RHCE: variants seen among roughly 807,000 people sequenced by gnomAD.
The protein encoded by RHCE is Rh blood group CcEe antigens, also known as blood group Rh(CE) polypeptide.
A neutral mutation model predicts 43.8 loss-of-function variants in RHCE; 22 were observed. That is an observed-to-expected ratio of 0.50 (90% confidence interval 0.36 to 0.72). RHCE has a LOEUF of 0.72. RHCE is among the 30% of genes least tolerant of loss of function. RHCE has a pLI of 0.00. For missense variants in RHCE, 385 were observed against 525.4 expected, an observed-to-expected ratio of 0.73 and a Z score of 2.61; for synonymous variants, 156 against 210.7, an observed-to-expected ratio of 0.74 and a Z score of 2.25.
At chr1:25,423,649 T>C (rs1260429782), upstream of RHCE, among the ~76,000 whole-genome samples, 2 of 152,230 alleles carry the variant, frequency 1.3e-5, no homozygotes, top group African/African-American at 4.8e-5. Context: ...CCTCTGACTC[T>C]TATAAAAGGC....
intron 7 of RHCE, among the ~76,000 whole-genome samples, chr1:25,384,689 G>A (rs1646097334): frequency 6.6e-6 from 1 of 152,230 alleles, no homozygotes; most frequent in East Asian, 1.9e-4. Context: ...CCAAGAACCG[G>A]AAGGAACCCC....
intron 2 of RHCE, among the ~76,000 whole-genome samples, chr1:25,428,245 T>A (rs926520122): frequency 6.6e-6 from 1 of 152,224 alleles, no homozygotes; most frequent in Non-Finnish European, 1.5e-5. Flanking sequence ...TCTGGAACAC[T>A]GCAGTCATGG....
chr1:25,372,943 T>C (rs1174132075), intron 8 of RHCE, among the ~76,000 whole-genome samples: 2 of 151,586 alleles, frequency 1.3e-5, no homozygotes, highest in Non-Finnish European at 2.9e-5. Context: ...CAGCTGGGAC[T>C]ACAGGTGTAC....
At chr1:25,381,677 C>T (rs1161366086) in intron 7 of RHCE, among the ~76,000 whole-genome samples, 3 of 151,708 alleles carry the variant, frequency 2.0e-5, no homozygotes, top group African/African-American at 4.9e-5. Flanking sequence ...AGGCTGGTCT[C>T]GAACTCCTGA....
At chr1:25,400,218 G>A (rs1467057346) in intron 3 of RHCE, among the ~76,000 whole-genome samples, 2 of 152,216 alleles carry the variant, frequency 1.3e-5, no homozygotes, top group South Asian at 2.1e-4. Context: ...GGCTGCCCCT[G>A]CATGCTGTCT....
At chr1:25,423,413 A>G (rs2375304), upstream of RHCE, among the ~76,000 whole-genome samples, 2 of 152,228 alleles carry the variant, frequency 1.3e-5, no homozygotes, top group East Asian at 3.8e-4. Context: ...TAGACCTGAC[A>G]GGCATGTTTA....
At chr1:25,369,456 T>C (rs995390785) in intron 9 of RHCE, among the ~76,000 whole-genome samples, 1 of 151,454 alleles carries the variant, frequency 6.6e-6, no homozygotes, top group African/African-American at 2.4e-5. Flanking sequence ...CACATCAGAG[T>C]GCTGCGTGAA....
intron 7 of RHCE, among the ~76,000 whole-genome samples, chr1:25,377,120 T>A (rs952690042): frequency 1.3e-5 from 2 of 152,048 alleles, no homozygotes; most frequent in African/African-American, 4.8e-5. Flanking sequence ...CAAACACAGT[T>A]CAGGTTATCA....
intron 1 of RHCE, among the ~76,000 whole-genome samples, chr1:25,419,584 C>T (rs1300664562): frequency 6.6e-6 from 1 of 152,154 alleles, no homozygotes; most frequent in Non-Finnish European, 1.5e-5. Flanking sequence ...TGTCCATTAT[C>T]AACAACCTAT....
Position 25,362,699 on chromosome 1 carries a change from A to T in RHCE, c.1228-146T>A, listed in dbSNP as rs558597467. On this transcript the variant is annotated intron_variant, in intron 9 of 9. Transcript: ENST00000294413. ...GAATTGGAAGAGATCTTGGATATAT[A>T]GGTTTTATTTCATCTAACGTTTTAC... 37 of 536,396 alleles carry T rather than the reference A, an allele frequency of 6.9e-5. 2 individuals are homozygous for T. In the South Asian group the frequency reaches 7.6e-4, roughly 11 times the overall value. 33.2% of individuals were successfully genotyped at this position (536,396 alleles called of 1,614,324 possible). A position where few individuals can be genotyped will look rare whatever the true frequency, so the allele number is the denominator to read the frequency against.
chr1:25,426,009 C>T (rs2042802925), intron 2 of RHCE, among the ~76,000 whole-genome samples: 1 of 152,228 alleles, frequency 6.6e-6, no homozygotes, highest in African/African-American at 2.4e-5. Context: ...TTGGGTAAAA[C>T]AGTCAGTGTC....
At chr1:25,408,301 A>G (rs1646975277) in intron 2 of RHCE, among the ~76,000 whole-genome samples, 1 of 121,756 alleles carries the variant, frequency 8.2e-6, no homozygotes, top group African/African-American at 2.6e-5. Context: ...AAAGAAAAAA[A>G]AAAAATAGAA....
At chr1:25,421,924 G>A (rs1292271199), upstream of RHCE, among the ~76,000 whole-genome samples, 1 of 152,344 alleles carries the variant, frequency 6.6e-6, no homozygotes, top group Non-Finnish European at 1.5e-5. Flanking sequence ...GAAGTGGAAG[G>A]TGGAAAGTGG....
intron 8 of RHCE, among the ~76,000 whole-genome samples, chr1:25,371,770 A>G (rs549645595): frequency 4.0e-5 from 6 of 151,606 alleles, no homozygotes; most frequent in East Asian, 1.9e-4. Context: ...TGGAATGAGT[A>G]CTTCCTTTCA....
chr1:25,399,722 A>C (rs1027591819), intron 3 of RHCE, among the ~76,000 whole-genome samples: 30 of 152,250 alleles, frequency 2.0e-4, no homozygotes, highest in South Asian at 4.2e-4. Flanking sequence ...GGAAATGCTG[A>C]TATCTCATAT....
intron 5 of RHCE, among the ~76,000 whole-genome samples, chr1:25,390,042 A>G (rs1646307496): frequency 6.7e-6 from 1 of 148,252 alleles, no homozygotes; most frequent in Non-Finnish European, 1.5e-5. Flanking sequence ...CAGCCCCCCC[A>G]GTGCCTCCCA....
At chr1:25,407,310 C>G (rs150384644) in intron 2 of RHCE, among the ~76,000 whole-genome samples, 1 of 123,026 alleles carries the variant, frequency 8.1e-6, no homozygotes, top group African/African-American at 2.5e-5. Flanking sequence ...CATGTTCTGA[C>G]CACTCTGGAG....
In RHCE at chr1:25,370,547, A is replaced by G; in HGVS notation, c.1154-7T>C. On this transcript the variant is annotated splice_polypyrimidine_tract_variant and splice_region_variant and intron_variant, in intron 8 of 9. Transcript: ENST00000294413. ...TTGAGATTTAGGAGCAAACCTGTTT[A>G]AATGCATAATTTAATGTTAAAAGAT... 6.2e-7 allele frequency: 1 copy of G among 1,604,304 alleles called. No individual in the cohort carries two copies. Among genetic ancestry groups the G allele is most frequent in the South Asian group, 1.1e-5 (1 of 90,904 alleles).
chr1:25,368,723 T>G (rs1645507555), intron 9 of RHCE, among the ~76,000 whole-genome samples: 1 of 149,670 alleles, frequency 6.7e-6, no homozygotes, highest in African/African-American at 2.5e-5. Flanking sequence ...GGTGTTTCTC[T>G]GTAACTCACT....
Sources: allele counts gnomAD v4.1 joint callset (sites outside exome capture counted in the v4.1 genomes callset), GRCh38; gene constraint gnomAD v4.1.1; transcripts MANE v1.5; gene names NCBI Gene and HGNC (gene_info 2026-07-23, HGNC 2026-07-21).